APBB2: variants seen among roughly 807,000 people sequenced by gnomAD.
The protein encoded by APBB2 is amyloid beta precursor protein binding family B member 2, also known as Fe65-like 1.
APBB2 carries 38 observed loss-of-function variants against 82.5 expected under a neutral mutation model. That is an observed-to-expected ratio of 0.46 (90% CI 0.36 to 0.60). The LOEUF is 0.60. APBB2 is among the 20% of genes least tolerant of loss of function. The pLI is 0.00. For synonymous variants in APBB2, 341 were observed against 368.2 expected (o/e 0.93, Z 0.85); for missense variants, 772 against 972.3 (o/e 0.79, Z 2.74).
At chr4:41,103,847 C>T (rs1340140273) in intron 2 of APBB2, among the ~76,000 whole-genome samples, 3 of 152,118 alleles carry the variant, frequency 2.0e-5, no homozygotes, top group African/African-American at 7.2e-5. Context: ...TTAATAGGTC[C>T]AGTCATGCGG....
chr4:41,138,109 G>GTT (rs1758088903), intron 2 of APBB2: 1 of 152,156 alleles, frequency 6.6e-6, no homozygotes, highest in Non-Finnish European at 1.5e-5. Flanking sequence ...AGCGGTTGCT[G>GTT]TGAGCCGAGA....
At chr4:40,851,914 C>T (rs910244672) in intron 12 of APBB2, among the ~76,000 whole-genome samples, 3 of 151,890 alleles carry the variant, frequency 2.0e-5, no homozygotes, top group Admixed American at 6.6e-5. Flanking sequence ...GAAATGGCTT[C>T]TCTAGCTCTC....
chr4:40,977,714 C>A (rs1322724728), intron 6 of APBB2, among the ~76,000 whole-genome samples: 1 of 152,138 alleles, frequency 6.6e-6, no homozygotes, highest in Non-Finnish European at 1.5e-5. Flanking sequence ...ACATGGTGTA[C>A]ATACAGACTG....
Position 40,852,351 on chromosome 4 carries a change from CAAAAAAAA to C in APBB2, c.1530-21782_1530-21775del, listed in dbSNP as rs771660810. Among the ~76,000 whole-genome samples the C allele has an allele frequency of 5.8e-3, 547 of 94,008 alleles. 4 individuals carry two copies. Among genetic ancestry groups the C allele is most frequent in the African/African-American group, 0.019 (491 of 26,500 alleles). The allele number at this position is 94,008 out of a possible 152,430, so 61.7% of individuals were successfully genotyped here. On this transcript the variant is annotated intron_variant, in intron 12 of 17. Transcript: ENST00000508593. ...GGGTGACAGAGCAAAACTCTGTCTT[CAAAAAAAA>C]AAAAAAAAAAAAGTAATTATGAATG... is the stretch of plus-strand genomic sequence containing the variant.
intron 10 of APBB2, among the ~76,000 whole-genome samples, chr4:40,930,190 TGAA>T (rs556758972): frequency 6.8e-4 from 103 of 152,318 alleles, no homozygotes; most frequent in Middle Eastern, 3.4e-3. Context: ...ACCATGATTA[TGAA>T]GAAGTTAATA....
chr4:41,130,163 T>A (rs1161894974), intron 2 of APBB2, among the ~76,000 whole-genome samples: 1 of 152,138 alleles, frequency 6.6e-6, no homozygotes, highest in Non-Finnish European at 1.5e-5. Flanking sequence ...GGGCCAGCAT[T>A]CCAACATCAA....
At chr4:40,975,791 A>ACACAC (rs1797043668) in intron 6 of APBB2, among the ~76,000 whole-genome samples, 3 of 78,692 alleles carry the variant, frequency 3.8e-5, no homozygotes, top group Non-Finnish European at 9.1e-5. Flanking sequence ...CACACACACA[A>ACACAC]CAACCACTCT....
At chr4:40,949,373 C>T (rs1179269990) in intron 6 of APBB2, among the ~76,000 whole-genome samples, 3 of 152,156 alleles carry the variant, frequency 2.0e-5, no homozygotes, top group Non-Finnish European at 4.4e-5. Flanking sequence ...CGTCATTACA[C>T]ATTGGTCTTT....
chr4:41,014,483 T>A, intron 5 of APBB2, 85 bp from the exon 6 acceptor site: 1 of 1,289,844 alleles, frequency 7.8e-7, no homozygotes, highest in Non-Finnish European at 1.1e-6. Flanking sequence ...TATAGAAAAC[T>A]AAAAGAAGAA....
At chr4:41,050,740 G>A (rs1725629900) in intron 4 of APBB2, among the ~76,000 whole-genome samples, 3 of 152,222 alleles carry the variant, frequency 2.0e-5, no homozygotes, top group Non-Finnish European at 4.4e-5. Context: ...GAAGGAAAGA[G>A]AAAGGGAGAA....
At chr4:41,195,154 C>T in intron 1 of APBB2, among the ~76,000 whole-genome samples, 1 of 152,156 alleles carries the variant, frequency 6.6e-6, no homozygotes, top group Non-Finnish European at 1.5e-5. Context: ...CCCAAACCTA[C>T]AGGCCCCTCT....
intron 1 of APBB2, among the ~76,000 whole-genome samples, chr4:41,187,717 T>C (rs1219609530): frequency 1.3e-5 from 2 of 152,242 alleles, no homozygotes; most frequent in African/African-American, 4.8e-5. Flanking sequence ...CCAAGAGTTA[T>C]TTATTATTAT....
intron 6 of APBB2, among the ~76,000 whole-genome samples, chr4:40,975,591 T>C (rs1249311743): frequency 6.6e-6 from 1 of 152,162 alleles, no homozygotes; most frequent in East Asian, 1.9e-4. Flanking sequence ...TTCTAACATT[T>C]ATGAGTCCTT....
chr4:40,998,196 T>A (rs75595212), intron 6 of APBB2, among the ~76,000 whole-genome samples: 6,370 of 152,334 alleles, frequency 0.042, 271 homozygotes, highest in African/African-American at 0.11. Context: ...TTCCCAATAA[T>A]GGAAGACTTT....
In APBB2 at chr4:40,982,273, AGAAAGAAAGAAGGAAGGAAGGAAG is replaced by A. The variant is rs1169834917; in HGVS notation, c.835+31286_835+31309del. Reference sequence around the variant, plus strand: ...AAGAAAGAAAGAAAGAAAGAAAGAAAGAAAGAAAGAAGGAAGGAAGGAAGGAAGGAAGGAAAGAAAGAAAGAAAG... The same window carrying A: ...AAGAAAGAAAGAAAGAAAGAAAGAAAGAAGGAAGGAAAGAAAGAAAGAAAG... On this transcript the variant is annotated intron_variant, in intron 6 of 17. Transcript: ENST00000508593. Among the ~76,000 whole-genome samples, 209 of 29,068 alleles carry A rather than the reference AGAAAGAAAGAAGGAAGGAAGGAAG, an allele frequency of 7.2e-3. 18 individuals are homozygous for A. The highest frequency in any genetic ancestry group is 0.026 in the African/African-American group (190 of 7,440). 19.1% of individuals were successfully genotyped at this position (29,068 alleles called of 152,430 possible).
chr4:40,952,920 T>C (rs1790601869), intron 6 of APBB2, among the ~76,000 whole-genome samples: 2 of 152,208 alleles, frequency 1.3e-5, no homozygotes. Context: ...AAGGAGGCAC[T>C]ATCTTTATCC....
intron 6 of APBB2, among the ~76,000 whole-genome samples, chr4:41,005,363 C>G (rs368244704): frequency 6.6e-6 from 1 of 152,134 alleles, no homozygotes; most frequent in African/African-American, 2.4e-5. Flanking sequence ...GCTGGCATTA[C>G]AGGCATGAGC....
intron 4 of APBB2, among the ~76,000 whole-genome samples, chr4:41,042,428 C>T (rs1458693138): frequency 6.6e-6 from 1 of 152,226 alleles, no homozygotes; most frequent in Non-Finnish European, 1.5e-5. Flanking sequence ...CCCCAATCAA[C>T]AGCGTCTCTG....
chr4:41,059,056 C>A (rs10031527), intron 4 of APBB2, among the ~76,000 whole-genome samples: 5 of 151,862 alleles, frequency 3.3e-5, no homozygotes, highest in Non-Finnish European at 7.4e-5. Context: ...CCCTGGAGAA[C>A]AAAGGGTCAT....
Sources: gnomAD v4.1 joint callset for allele counts (sites outside exome capture counted in the v4.1 genomes callset) on GRCh38, gnomAD v4.1.1 for gene constraint, MANE v1.5 for transcripts, NCBI Gene and HGNC (gene_info 2026-07-23, HGNC 2026-07-21) for gene names.